HSD17B12: variants seen among roughly 807,000 people sequenced by gnomAD.
The protein encoded by HSD17B12 is very-long-chain 3-oxoacyl-CoA reductase.
HSD17B12 carries 32 observed loss-of-function variants against 39.3 expected under a neutral mutation model. The observed-to-expected ratio is 0.81, with a 90% confidence interval of 0.61 to 1.09. HSD17B12 has a LOEUF of 1.09. HSD17B12 is among the 50% of genes least tolerant of loss of function. The pLI is 0.00. For missense variants in HSD17B12, 342 were observed against 382.9 expected (o/e 0.89, Z 0.89); for synonymous variants, 150 against 146.7 (o/e 1.02, Z -0.16).
chr11:43,646,437 C>G, the HSD17B12 span: 1 of 152,118 alleles, frequency 6.6e-6, no homozygotes, highest in African/African-American at 2.4e-5. Flanking sequence ...TACTATTGTT[C>G]TGGTGAATTG....
chr11:43,759,804 T>TGTGA (rs1020713694), intron 3 of HSD17B12, among the ~76,000 whole-genome samples: 5 of 152,048 alleles, frequency 3.3e-5, no homozygotes, highest in Non-Finnish European at 5.9e-5. Context: ...TATGGCTCAC[T>TGTGA]GTGACCTCAA....
chr11:43,670,118 C>A, the HSD17B12 span, among the ~76,000 whole-genome samples: 2 of 152,190 alleles, frequency 1.3e-5, no homozygotes, highest in African/African-American at 4.8e-5. Context: ...CAGAGATGTT[C>A]ATAATTAAGA....
the HSD17B12 span, among the ~76,000 whole-genome samples, chr11:43,657,799 G>T: frequency 6.6e-6 from 1 of 152,126 alleles, no homozygotes; most frequent in Non-Finnish European, 1.5e-5. Context: ...TTCCCTTTGT[G>T]GGTAACCCGA....
intron 1 of HSD17B12, among the ~76,000 whole-genome samples, chr11:43,704,325 G>C (rs1004701500): frequency 2.0e-5 from 3 of 152,152 alleles, no homozygotes; most frequent in African/African-American, 7.2e-5. Flanking sequence ...GTAGTTGATG[G>C]ATTAGCCTGT....
At chr11:43,595,922 T>A in the HSD17B12 span, among the ~76,000 whole-genome samples, 620 of 152,324 alleles carry the variant, frequency 4.1e-3, 5 homozygotes, top group Non-Finnish European at 7.0e-3. Flanking sequence ...GTTTGCAAGT[T>A]GGCCTGAAGA....
intron 1 of HSD17B12, among the ~76,000 whole-genome samples, chr11:43,736,941 C>T (rs1950321477): frequency 6.6e-6 from 1 of 152,186 alleles, no homozygotes; most frequent in Admixed American, 6.5e-5. Flanking sequence ...TAGCAATTTT[C>T]TTTCCATGTA....
chr11:43,581,143 C>A, the HSD17B12 span, among the ~76,000 whole-genome samples: 1 of 152,180 alleles, frequency 6.6e-6, no homozygotes, highest in East Asian at 1.9e-4. The surrounding 1 kb of genome is among the most constrained non-coding windows in gnomAD (Gnocchi z 4.9). Flanking sequence ...AGGCTGGGCT[C>A]CGGGATCCGG....
At chr11:43,673,225 G>A in the HSD17B12 span, 1 of 152,040 alleles carries the variant, frequency 6.6e-6, no homozygotes, top group African/African-American at 2.4e-5. Flanking sequence ...GATTTCATCA[G>A]GAAACTCTGA....
chr11:43,601,524 T>C, the HSD17B12 span, among the ~76,000 whole-genome samples: 6,241 of 147,746 alleles, frequency 0.042, 442 homozygotes, highest in African/African-American at 0.15. Context: ...TTTTTTAAAG[T>C]AGCCTGAGGG....
At chr11:43,681,160 T>G (rs1590653457) in intron 1 of HSD17B12, 173 bp downstream of exon 1, 3 of 1,408,060 alleles carry the variant, frequency 2.1e-6, no homozygotes, top group East Asian at 5.4e-5. Flanking sequence ...TTCTGCTTGC[T>G]TAGACTACTT....
intron 9 of HSD17B12, among the ~76,000 whole-genome samples, chr11:43,844,621 G>A (rs1042788932): frequency 6.6e-6 from 1 of 151,858 alleles, no homozygotes; most frequent in African/African-American, 2.4e-5. Context: ...TAATTTGACT[G>A]GCTAGGTAGT....
the HSD17B12 span, chr11:43,644,686 C>G: frequency 6.5e-6 from 1 of 152,942 alleles, no homozygotes; most frequent in Non-Finnish European, 1.5e-5. Flanking sequence ...GGGATTTAAG[C>G]AAGAACTGGA....
In HSD17B12 at chr11:43,746,707, A is replaced by AT. The variant is rs537772422; in HGVS notation, c.161-4203dup. The stretch of plus-strand genomic sequence containing the variant: ...TTGTTTATTATCATTATCGAGCACT[A>AT]TATGTTATATATAATTGTATGTGTT... On this transcript the variant is annotated intron_variant, in intron 1 of 10. Transcript: ENST00000278353. 2.7e-3 allele frequency among the ~76,000 whole-genome samples: 414 copies of AT among 152,328 alleles called. 1 individual carries two copies. The highest frequency in any genetic ancestry group is 4.7e-3 in the Non-Finnish European group (322 of 68,034).
In HSD17B12 at chr11:43,836,357, G is replaced by T. The variant is rs186431352; in HGVS notation, c.537-1960G>T. On this transcript the variant is annotated intron_variant, in intron 7 of 10. Transcript: ENST00000278353. Reference sequence around the variant, plus strand: ...AAGGATGCTTAGGATGCAGGAGAAGGGTTGACTTGTCAAGATTGAGGGTTA... The same window carrying T: ...AAGGATGCTTAGGATGCAGGAGAAGTGTTGACTTGTCAAGATTGAGGGTTA... Among the ~76,000 whole-genome samples the T allele has an allele frequency of 2.6e-5, 4 of 152,240 alleles. No individual in the cohort carries two copies. The East Asian group carries it at 5.8e-4, about 22-fold the overall frequency.
intron 3 of HSD17B12, among the ~76,000 whole-genome samples, chr11:43,784,066 G>T (rs756354348): frequency 4.6e-5 from 7 of 152,124 alleles, no homozygotes; most frequent in Non-Finnish European, 8.8e-5. Flanking sequence ...TCGGCCAGGA[G>T]CATCAGCAGA....
At chr11:43,592,930 G>A in the HSD17B12 span, among the ~76,000 whole-genome samples, 1 of 152,294 alleles carries the variant, frequency 6.6e-6, no homozygotes, top group East Asian at 1.9e-4. Context: ...GTTCTCAAAA[G>A]ATCCTCACTG....
chr11:43,562,232 C>T, the HSD17B12 span, among the ~76,000 whole-genome samples: 1 of 152,150 alleles, frequency 6.6e-6, no homozygotes, highest in Non-Finnish European at 1.5e-5. Flanking sequence ...TTTTTAAATC[C>T]TGCCTTTTTC....
At chr11:43,604,683 C>G in the HSD17B12 span, among the ~76,000 whole-genome samples, 2 of 151,974 alleles carry the variant, frequency 1.3e-5, no homozygotes, top group African/African-American at 4.8e-5. Flanking sequence ...CACACAAGTC[C>G]CTTGGATCTG....
chr11:43,627,393 G>A, the HSD17B12 span, among the ~76,000 whole-genome samples: 5 of 151,582 alleles, frequency 3.3e-5, no homozygotes, highest in African/African-American at 1.2e-4. Flanking sequence ...GGCATTTACT[G>A]TTTTATTACT....
Sources: gnomAD v4.1 joint callset for allele counts (sites outside exome capture counted in the v4.1 genomes callset) on GRCh38, gnomAD v4.1.1 for gene constraint, Gnocchi (gnomAD v3.1) non-coding constraint, MANE v1.5 for transcripts, NCBI Gene and HGNC (gene_info 2026-07-23, HGNC 2026-07-21) for gene names.